Variants in PCMTD1 observed in about 807,000 individuals in gnomAD.
PCMTD1 encodes protein-L-isoaspartate O-methyltransferase domain-containing protein 1.
PCMTD1 carries 12 observed loss-of-function variants against 37.6 expected under a neutral mutation model. The ratio of observed to expected loss-of-function variants is 0.32; its 90% CI spans 0.20 to 0.52. The LOEUF is 0.52. Ranked by LOEUF, PCMTD1 falls within the 20% of genes least tolerant of loss-of-function variation. The pLI, the probability that PCMTD1 is intolerant of heterozygous loss-of-function variation, is 0.97. For missense variants in PCMTD1, 235 were observed against 421.3 expected (o/e 0.56, Z 3.87); for synonymous variants, 117 against 135.8 (o/e 0.86, Z 0.96).
At chr8:51,885,280 C>T (rs529124630) in intron 1 of PCMTD1, among the ~76,000 whole-genome samples, 2 of 152,262 alleles carry the variant, frequency 1.3e-5, no homozygotes, top group East Asian at 1.9e-4. Context: ...AGGATATCTT[C>T]GCTTCTTGGC....
At chr8:51,861,379 C>T (rs2038466999) in intron 1 of PCMTD1, 133 bp from the exon 2 acceptor site, 2 of 610,140 alleles carry the variant, frequency 3.3e-6, no homozygotes, top group South Asian at 5.5e-5. Flanking sequence ...TAGTGTTAAA[C>T]TCCTTCTTAA....
intron 5 of PCMTD1, among the ~76,000 whole-genome samples, chr8:51,823,147 A>G (rs2037872592): frequency 6.6e-6 from 1 of 152,200 alleles, no homozygotes; most frequent in Non-Finnish European, 1.5e-5. Flanking sequence ...CTCCTAAAGT[A>G]GCATTCATGT....
rs1304052386 is a variant in PCMTD1, at chr8:51,818,490, AG to A, written c.*1860del. On this transcript the variant is annotated 3_prime_UTR_variant, in exon 6 of 6. Transcript: ENST00000522514. ...TTCCAGATAAAAACATGTGGTCACC[AG>A]GAATTCAAGGTAACTAGGTACTTCA... 1 of 152,796 alleles carries A rather than the reference AG, an allele frequency of 6.5e-6. No individual in the cohort carries two copies. Among genetic ancestry groups the A allele is most frequent in the African/African-American group, 2.4e-5 (1 of 41,500 alleles). The allele number at this position is 152,796 out of a possible 1,614,324, so 9.5% of individuals were successfully genotyped here. A position where few individuals can be genotyped will look rare whatever the true frequency, so the allele number is the denominator to read the frequency against.
At chr8:51,841,024 G>A (rs796311457) in intron 3 of PCMTD1, among the ~76,000 whole-genome samples, 13 of 152,276 alleles carry the variant, frequency 8.5e-5, no homozygotes, top group African/African-American at 3.1e-4. Context: ...TTGCTAGGCT[G>A]TAATTCATTG....
At chr8:51,899,117 G>A (rs1007515149), upstream of PCMTD1, 7 of 1,434,562 alleles carry the variant, frequency 4.9e-6, no homozygotes, top group South Asian at 1.4e-5. Flanking sequence ...GGCATGCGCA[G>A]AGAACCACGG....
chr8:51,861,990 A>C (rs796088469), intron 1 of PCMTD1, among the ~76,000 whole-genome samples: 8 of 152,322 alleles, frequency 5.3e-5, no homozygotes, highest in African/African-American at 1.9e-4. Flanking sequence ...CTGGGATAAC[A>C]GGCGTAAGCC....
At chr8:51,896,957 G>A (rs1365213972) in intron 1 of PCMTD1, among the ~76,000 whole-genome samples, 2 of 150,492 alleles carry the variant, frequency 1.3e-5, no homozygotes, top group Admixed American at 1.3e-4. Flanking sequence ...TCTATAGAAT[G>A]AGAAGAATGT....
chr8:51,817,881 T>C lies in PCMTD1; in HGVS notation c.*2470A>G, dbSNP rs6768. ...CTTAGGCCCTGTCTCTAACTCACTG[T>C]ATGTTTCAGGCAAAACATGCCACGG... On this transcript the variant is annotated 3_prime_UTR_variant, in exon 6 of 6. Coordinates refer to ENST00000522514, the MANE Select transcript of PCMTD1 (RefSeq NM_052937.4). 57,895 of 412,148 alleles carry C rather than the reference T, an allele frequency of 0.14. 17 individuals are homozygous for C. Among genetic ancestry groups the C allele is most frequent in the Non-Finnish European group, 0.16 (33,085 of 202,360 alleles). The allele number at this position is 412,148 out of a possible 1,614,324, so 25.5% of individuals were successfully genotyped here.
chr8:51,864,179 C>T (rs779157285), intron 1 of PCMTD1, among the ~76,000 whole-genome samples: 3 of 151,980 alleles, frequency 2.0e-5, no homozygotes, highest in African/African-American at 2.4e-5. Flanking sequence ...GCAAAGAAGG[C>T]CATTATTTTA....
chr8:51,881,495 T>C (rs926595691), intron 1 of PCMTD1, among the ~76,000 whole-genome samples: 2 of 152,126 alleles, frequency 1.3e-5, no homozygotes, highest in African/African-American at 4.8e-5. Context: ...CCCATCCCAT[T>C]AGACAAGAAT....
intron 1 of PCMTD1, among the ~76,000 whole-genome samples, chr8:51,887,527 T>C (rs2038880889): frequency 6.6e-6 from 1 of 152,112 alleles, no homozygotes; most frequent in Non-Finnish European, 1.5e-5. Context: ...TAAAATCCTC[T>C]AACTAAAGCA....
At chr8:51,880,299 C>A (rs1189898098) in intron 1 of PCMTD1, among the ~76,000 whole-genome samples, 1 of 151,928 alleles carries the variant, frequency 6.6e-6, no homozygotes, top group Non-Finnish European at 1.5e-5. Context: ...TTATGCCCAA[C>A]CTCAGTGGCA....
At chr8:51,861,321 G>A in intron 1 of PCMTD1, 75 bp from the exon 2 acceptor site, 1 of 1,073,162 alleles carries the variant, frequency 9.3e-7, no homozygotes, top group Non-Finnish European at 1.3e-6. Context: ...TTAAATGTAT[G>A]TCATTATAAT....
chr8:51,827,548 G>A lies in PCMTD1; in HGVS notation c.706+3896C>T, dbSNP rs1043498816. On this transcript the variant is annotated intron_variant, in intron 5 of 5. Coordinates refer to ENST00000522514, the MANE Select transcript of PCMTD1 (RefSeq NM_052937.4). ...AACTTAGCAGCTGCCTCAGTTATCAGATAAAAACACATAATATATATACAG... is the reference window on the plus strand; with the variant it reads ...AACTTAGCAGCTGCCTCAGTTATCAAATAAAAACACATAATATATATACAG... Among the ~76,000 whole-genome samples the A allele has an allele frequency of 2.6e-5, 4 of 152,194 alleles. No homozygotes were observed. The South Asian group carries it at 8.3e-4, about 32-fold the overall frequency.
chr8:51,898,575 AGCCGAGGACGAGCCGAGGACGG>A (rs1448994051), intron 1 of PCMTD1, among the ~76,000 whole-genome samples: 4 of 152,228 alleles, frequency 2.6e-5, no homozygotes, highest in African/African-American at 7.2e-5. Flanking sequence ...CCCAGGTCAG[AGCCGAGGACGAGCCGAGGACGG>A]GCCGAGGACG....
intron 5 of PCMTD1, among the ~76,000 whole-genome samples, chr8:51,825,401 T>G (rs1396282451): frequency 1.4e-5 from 1 of 69,762 alleles, no homozygotes; most frequent in Non-Finnish European, 6.5e-5. Flanking sequence ...CTTCTCAAAA[T>G]AAGATATTTA....
At chr8:51,865,595 T>C (rs942973971) in intron 1 of PCMTD1, among the ~76,000 whole-genome samples, 1 of 151,998 alleles carries the variant, frequency 6.6e-6, no homozygotes, top group Non-Finnish European at 1.5e-5. Flanking sequence ...TTTCAATAGA[T>C]GCAGAAAAAG....
rs537653803 is a variant in PCMTD1 at position 51,824,869 on chromosome 8, G to T, written c.707-4151C>A. Among the ~76,000 whole-genome samples the T allele has an allele frequency of 2.0e-5, 3 of 152,238 alleles. No individual in the cohort carries two copies. In the East Asian group the frequency reaches 5.8e-4, roughly 29 times the overall value. ...ATATACAGACCAATGGAAGAGAACAGAGACCTCAGAAATAACACTACACAT... is the reference window on the plus strand; with the variant it reads ...ATATACAGACCAATGGAAGAGAACATAGACCTCAGAAATAACACTACACAT... On this transcript the variant is annotated intron_variant, in intron 5 of 5. Transcript: ENST00000522514.
intron 1 of PCMTD1, among the ~76,000 whole-genome samples, chr8:51,889,969 C>T (rs1438932419): frequency 8.3e-6 from 1 of 120,700 alleles, no homozygotes. Context: ...CCAGTGATAA[C>T]TAAACAGTGA....
Sources: gnomAD v4.1 joint callset for allele counts (sites outside exome capture counted in the v4.1 genomes callset) on GRCh38, gnomAD v4.1.1 for gene constraint, MANE v1.5 for transcripts, NCBI Gene and HGNC (gene_info 2026-07-23, HGNC 2026-07-21) for gene names.